ZFAND6: variants seen among roughly 807,000 people sequenced by gnomAD.
ZFAND6 encodes zinc finger AN1-type containing 6, also known as AN1-type zinc finger protein 6.
In ZFAND6, 12 loss-of-function variants were observed where a neutral mutation model predicts 24.5. The observed-to-expected ratio is 0.49, with a 90% CI of 0.31 to 0.79. The LOEUF (loss-of-function observed/expected upper bound fraction) is 0.79. ZFAND6 is among the 30% of genes least tolerant of loss of function. The pLI, the probability that ZFAND6 is intolerant of heterozygous loss-of-function variation, is 0.04. For synonymous variants in ZFAND6, 92 were observed against 81.5 expected (o/e 1.13, Z -0.69); for missense variants, 207 against 245.9 (o/e 0.84, Z 1.06).
intron 5 of ZFAND6, 72 bp from the exon 6 acceptor site, chr15:80,131,108 A>G (rs982967593): frequency 1.4e-5 from 16 of 1,128,868 alleles, no homozygotes; most frequent in African/African-American, 4.6e-5. Context: ...ATAATAGACT[A>G]GGGAGGGTGG....
Position 80,123,090 on chromosome 15 carries a change from G to A in ZFAND6, c.364+290G>A, listed in dbSNP as rs559318164. 2.9e-5 allele frequency: 7 copies of A among 241,184 alleles called. No individual in the cohort carries two copies. The South Asian group carries it at 4.8e-4, about 16-fold the overall frequency. 14.9% of individuals were successfully genotyped at this position (241,184 alleles called of 1,614,324 possible). On this transcript the variant is annotated intron_variant, in intron 5 of 6. Coordinates refer to ENST00000261749, the MANE Select transcript of ZFAND6 (RefSeq NM_019006.4). Reference sequence around the variant, plus strand: ...TTACACTGTTCTCTTTTACTATTTTGGCCGTTTCAGTCTATATACTACTCT... The same window carrying A: ...TTACACTGTTCTCTTTTACTATTTTAGCCGTTTCAGTCTATATACTACTCT...
At chr15:80,062,355 AGTT>A (rs2036380830) in intron 1 of ZFAND6, among the ~76,000 whole-genome samples, 2 of 152,302 alleles carry the variant, frequency 1.3e-5, no homozygotes, top group South Asian at 4.1e-4. Flanking sequence ...TTTTTGGAAA[AGTT>A]GTGTGGTGGT....
chr15:80,097,669 A>C (rs540760692), intron 1 of ZFAND6, among the ~76,000 whole-genome samples: 2 of 140,558 alleles, frequency 1.4e-5, no homozygotes, highest in African/African-American at 5.1e-5. Context: ...TAAATAAATA[A>C]ATAAATACAT....
intron 2 of ZFAND6, chr15:80,111,586 A>G (rs2039613854): frequency 6.6e-6 from 3 of 454,026 alleles, no homozygotes; most frequent in East Asian, 6.9e-5. Context: ...CAGTATAACT[A>G]TATAGCAATA....
At chr15:80,131,627 TTC>T (rs989495767) in intron 6 of ZFAND6, 1 of 331,008 alleles carries the variant, frequency 3.0e-6, no homozygotes, top group African/African-American at 2.1e-5. Context: ...TGGAAGTACT[TTC>T]TATATATAAA....
At chr15:80,099,650 C>T (rs1003131461) in intron 2 of ZFAND6, among the ~76,000 whole-genome samples, 1 of 116,866 alleles carries the variant, frequency 8.6e-6, no homozygotes, top group African/African-American at 3.2e-5. Flanking sequence ...CGGAGTCTCA[C>T]TCTGTCGCCC....
intron 2 of ZFAND6, among the ~76,000 whole-genome samples, chr15:80,114,525 T>A (rs1243783426): frequency 1.4e-4 from 22 of 152,102 alleles, no homozygotes; most frequent in Admixed American, 1.4e-3. Context: ...CTGTTAAAAA[T>A]AACCCAGGTA....
intron 1 of ZFAND6, among the ~76,000 whole-genome samples, chr15:80,089,324 G>A (rs1049442807): frequency 1.9e-4 from 24 of 126,842 alleles, no homozygotes; most frequent in Admixed American, 1.7e-3. Flanking sequence ...GCAGTGGCAC[G>A]ATCTCCTCAC....
At position 80,096,800 on chromosome 15, in the gene ZFAND6, A is replaced by C. The variant is rs373442260; in HGVS notation, c.-180-1616A>C. On this transcript the variant is annotated intron_variant, in intron 1 of 6. Coordinates refer to ENST00000261749, the MANE Select transcript of ZFAND6 (RefSeq NM_019006.4). ...AGGGGAAAGGTATAGCCCAGTGTACATATAGGGGAAAGGTAGTTATCTCAG... is the reference window on the plus strand; with the variant it reads ...AGGGGAAAGGTATAGCCCAGTGTACCTATAGGGGAAAGGTAGTTATCTCAG... Among the ~76,000 whole-genome samples, 70 of 152,260 alleles carry C rather than the reference A, an allele frequency of 4.6e-4. No homozygotes were observed. The South Asian group carries it at 0.014, about 30-fold the overall frequency.
At chr15:80,118,164 C>G (rs2039976720) in intron 2 of ZFAND6, among the ~76,000 whole-genome samples, 1 of 152,076 alleles carries the variant, frequency 6.6e-6, no homozygotes, top group African/African-American at 2.4e-5. Context: ...CTCTGTTGCC[C>G]AGGCTGGAGT....
Position 80,137,698 on chromosome 15 carries a change from A to G in ZFAND6, c.*70A>G. 2.7e-6 allele frequency: 4 copies of G among 1,458,952 alleles called. No individual in the cohort carries two copies. The highest frequency in any genetic ancestry group is 1.5e-5 in the South Asian group (1 of 67,948). The allele number at this position is 1,458,952 out of a possible 1,614,324, so 90.4% of individuals were successfully genotyped here. A position where few individuals can be genotyped will look rare whatever the true frequency, so the allele number is the denominator to read the frequency against. On this transcript the variant is annotated 3_prime_UTR_variant, in exon 7 of 7. Transcript: ENST00000261749. The stretch of plus-strand genomic sequence containing the variant: ...ATTGACTTGAGGTTTTTTTTTTCCT[A>G]GTCATTGGGAATGTAGAGCAGTGTA...
At chr15:80,127,400 C>T (rs976144454) in intron 5 of ZFAND6, among the ~76,000 whole-genome samples, 3 of 151,830 alleles carry the variant, frequency 2.0e-5, no homozygotes, top group African/African-American at 4.8e-5. Flanking sequence ...CCAGCTTGGC[C>T]AACATGGTGA....
rs150056441 is a variant in ZFAND6 at position 80,101,950 on chromosome 15, G to A, written c.-18+3372G>A. 1.4e-3 allele frequency among the ~76,000 whole-genome samples: 219 copies of A among 151,576 alleles called. 1 individual carries two copies. The highest frequency in any genetic ancestry group is 2.5e-3 in the Non-Finnish European group (171 of 67,866). ...TGGGACTACAGGCTCCTGCCACCACGCCTGGCTAATTTTTTGTATTTTTTA... is the reference window on the plus strand; with the variant it reads ...TGGGACTACAGGCTCCTGCCACCACACCTGGCTAATTTTTTGTATTTTTTA... On this transcript the variant is annotated intron_variant, in intron 2 of 6. Transcript: ENST00000261749.
chr15:80,070,015 A>T (rs1478259975), intron 1 of ZFAND6, among the ~76,000 whole-genome samples: 1 of 152,150 alleles, frequency 6.6e-6, no homozygotes, highest in Non-Finnish European at 1.5e-5. Flanking sequence ...CAACTACTAC[A>T]ATAAACCACC....
intron 6 of ZFAND6, among the ~76,000 whole-genome samples, chr15:80,135,431 G>A (rs74362630): frequency 1.1e-4 from 16 of 152,328 alleles, no homozygotes; most frequent in African/African-American, 3.8e-4. Flanking sequence ...AGAGTCAACT[G>A]TACTGTGGTT....
chr15:80,120,315 A>G lies in ZFAND6; in HGVS notation c.-17-13A>G, dbSNP rs1201515290. On this transcript the variant is annotated splice_polypyrimidine_tract_variant and intron_variant, in intron 2 of 6. Transcript: ENST00000261749. The stretch of plus-strand genomic sequence containing the variant: ...CGTGTCTGAGTTCTTTGCTAATTTT[A>G]TGTAATTTTCAGGTGTGCAACTGAG... The G allele has an allele frequency of 2.7e-6, 4 of 1,494,510 alleles. No homozygotes were observed. Among genetic ancestry groups the G allele is most frequent in the African/African-American group, 1.4e-5 (1 of 70,898 alleles). The allele number at this position is 1,494,510 out of a possible 1,614,324, so 92.6% of individuals were successfully genotyped here. A position where few individuals can be genotyped will look rare whatever the true frequency, so the allele number is the denominator to read the frequency against.
At chr15:80,064,277 A>G (rs1351882075) in intron 1 of ZFAND6, among the ~76,000 whole-genome samples, 1 of 152,186 alleles carries the variant, frequency 6.6e-6, no homozygotes, top group African/African-American at 2.4e-5. Context: ...TAAAAGTTTG[A>G]CTAACATCAA....
At chr15:80,074,181 T>A (rs532779816) in intron 1 of ZFAND6, among the ~76,000 whole-genome samples, 2 of 152,100 alleles carry the variant, frequency 1.3e-5, no homozygotes, top group East Asian at 3.9e-4. Context: ...TCAACACCAC[T>A]TTCCAAGATG....
At chr15:80,099,944 T>G (rs1241193462) in intron 2 of ZFAND6, among the ~76,000 whole-genome samples, 1 of 152,140 alleles carries the variant, frequency 6.6e-6, no homozygotes, top group Non-Finnish European at 1.5e-5. Context: ...ATGAAAGTGG[T>G]CAAAGGATAT....
Sources: gnomAD v4.1 joint callset for allele counts (sites outside exome capture counted in the v4.1 genomes callset) on GRCh38, gnomAD v4.1.1 for gene constraint, MANE v1.5 for transcripts, NCBI Gene and HGNC (gene_info 2026-07-23, HGNC 2026-07-21) for gene names.